OGDH: variants seen among roughly 807,000 people sequenced by gnomAD.
The protein encoded by OGDH is oxoglutarate dehydrogenase.
In OGDH, 38 loss-of-function variants were observed where a neutral mutation model predicts 116.6. The ratio of observed to expected loss-of-function variants is 0.33; its 90% CI spans 0.25 to 0.43. The LOEUF (loss-of-function observed/expected upper bound fraction) is 0.43. Ranked by LOEUF, OGDH falls within the 20% of genes least tolerant of loss-of-function variation. OGDH has a pLI of 1.00. For missense variants in OGDH, 825 were observed against 1,357.2 expected, an observed-to-expected ratio of 0.61 and a Z score of 6.16; for synonymous variants, 488 against 533.3, an observed-to-expected ratio of 0.92 and a Z score of 1.17.
chr7:44,683,404 T>A (rs996761630), intron 10 of OGDH, among the ~76,000 whole-genome samples: 8 of 152,052 alleles, frequency 5.3e-5, no homozygotes, highest in Non-Finnish European at 8.8e-5. Flanking sequence ...AATTTTTTTT[T>A]ATTTTGTGTA....
rs374833881 is a variant in OGDH, at chr7:44,626,306, TACACAC to T, written c.222+1762_222+1767del. Reference sequence around the variant, plus strand: ...GGCAGATTTCACACACACACACCCCTACACACACACACACACACACACACACCCCTA... The same window carrying T: ...GGCAGATTTCACACACACACACCCCTACACACACACACACACACACCCCTA... On this transcript the variant is annotated intron_variant, in intron 2 of 22. Coordinates refer to ENST00000222673, the MANE Select transcript of OGDH (RefSeq NM_002541.4). 8.1e-4 allele frequency among the ~76,000 whole-genome samples: 111 copies of T among 136,898 alleles called. 1 individual carries two copies. The highest frequency in any genetic ancestry group is 1.8e-3 in the Admixed American group (25 of 13,740). 89.8% of individuals were successfully genotyped at this position (136,898 alleles called of 152,430 possible). A position where few individuals can be genotyped will look rare whatever the true frequency, so the allele number is the denominator to read the frequency against.
chr7:44,625,600 T>C (rs1785172037), intron 2 of OGDH, among the ~76,000 whole-genome samples: 1 of 152,196 alleles, frequency 6.6e-6, no homozygotes, highest in South Asian at 2.1e-4. Flanking sequence ...CTCCTGTGCC[T>C]CATCTGTAGG....
chr7:44,685,077 C>T (rs1441974544), intron 10 of OGDH, among the ~76,000 whole-genome samples: 5 of 152,082 alleles, frequency 3.3e-5, no homozygotes, highest in African/African-American at 1.2e-4. Context: ...TGAGCCACCG[C>T]TCCTGGCCTT....
At chr7:44,687,091 A>ATTTTTTTTTTTTT (rs59074567) in intron 10 of OGDH, among the ~76,000 whole-genome samples, 135 of 95,524 alleles carry the variant, frequency 1.4e-3, no homozygotes, top group Middle Eastern at 6.8e-3. Context: ...ATTTTTTTTA[A>ATTTTTTTTTTTTT]TTTTTTTTTT....
At position 44,697,512 on chromosome 7, in the gene OGDH, C is replaced by A. The variant is rs1448975384; in HGVS notation, c.2179+15C>A. 3.1e-6 allele frequency: 5 copies of A among 1,613,810 alleles called. No individual in the cohort carries two copies. Among genetic ancestry groups the A allele is most frequent in the Non-Finnish European group, 4.2e-6 (5 of 1,179,846 alleles). Reference sequence around the variant, plus strand: ...CGGCGTGCTGGGTGAGTGCCTGGAGCCACACCACCAGGGCCTGTCACCCAC... The same window carrying A: ...CGGCGTGCTGGGTGAGTGCCTGGAGACACACCACCAGGGCCTGTCACCCAC... On this transcript the variant is annotated intron_variant, in intron 16 of 22. Coordinates refer to ENST00000222673, the MANE Select transcript of OGDH (RefSeq NM_002541.4). The surrounding 1 kb of genome is among the most constrained non-coding windows in gnomAD (Gnocchi z 6.0).
At chr7:44,639,036 A>G (rs924274079) in intron 2 of OGDH, among the ~76,000 whole-genome samples, 10 of 152,188 alleles carry the variant, frequency 6.6e-5, no homozygotes, top group South Asian at 4.1e-4. Flanking sequence ...GACCATGTGA[A>G]GGGAGAGGAC....
intron 1 of OGDH, among the ~76,000 whole-genome samples, chr7:44,618,814 C>G (rs576465700): frequency 2.6e-4 from 40 of 152,332 alleles, no homozygotes; most frequent in African/African-American, 9.1e-4. Flanking sequence ...CCTACCTTGT[C>G]TGATTGTAGG....
intron 4 of OGDH, among the ~76,000 whole-genome samples, chr7:44,654,357 A>G (rs776937882): frequency 1.6e-4 from 24 of 152,248 alleles, no homozygotes; most frequent in Non-Finnish European, 3.1e-4. Context: ...AATGTCAACT[A>G]CTTAGTTCTT....
intron 4 of OGDH, among the ~76,000 whole-genome samples, chr7:44,659,848 C>T (rs976069231): frequency 2.6e-5 from 4 of 152,040 alleles, no homozygotes; most frequent in East Asian, 1.9e-4. Context: ...AGAGATTTGT[C>T]GATGTTACTA....
chr7:44,675,940 A>G, intron 8 of OGDH, 30 bp from the exon 9 acceptor site: 1 of 1,604,790 alleles, frequency 6.2e-7, no homozygotes, highest in South Asian at 1.1e-5. Context: ...CTCCTTGGCC[A>G]GGGTGCAAAT....
chr7:44,705,600 G>A (rs1360352370), intron 20 of OGDH, among the ~76,000 whole-genome samples: 2 of 152,084 alleles, frequency 1.3e-5, no homozygotes, highest in Non-Finnish European at 2.9e-5. Context: ...CCAGGCTGAT[G>A]CAATCGTAGC....
At chr7:44,701,500 T>C in intron 19 of OGDH, 43 bp from the exon 20 acceptor site, 1 of 1,578,532 alleles carries the variant, frequency 6.3e-7, no homozygotes. Flanking sequence ...TTCTGGAATC[T>C]TCAGAATCTG....
At position 44,670,652 on chromosome 7, in the gene OGDH, C is replaced by G. The variant is rs112309091; in HGVS notation, c.634-3135C>G. Among the ~76,000 whole-genome samples the G allele has an allele frequency of 5.8e-3, 880 of 152,286 alleles. 10 individuals are homozygous for G. The highest frequency in any genetic ancestry group is 0.019 in the African/African-American group (804 of 41,554). ...GGGATTAGGGGGCCAACTACACCCTCTTCTTGTATTTTTTGTGCATCTAAT... is the reference window on the plus strand; with the variant it reads ...GGGATTAGGGGGCCAACTACACCCTGTTCTTGTATTTTTTGTGCATCTAAT... On this transcript the variant is annotated intron_variant, in intron 5 of 22. Transcript: ENST00000222673.
chr7:44,606,804 G>T (rs572669296), intron 1 of OGDH, among the ~76,000 whole-genome samples, 151 bp downstream of exon 1: 1 of 152,296 alleles, frequency 6.6e-6, no homozygotes, highest in Non-Finnish European at 1.5e-5. Flanking sequence ...GATGGAGTGG[G>T]GCTCACGGAG....
rs567661480 is a variant in OGDH at position 44,625,769 on chromosome 7, G to A, written c.222+1204G>A. On this transcript the variant is annotated intron_variant, in intron 2 of 22. Transcript: ENST00000222673. ...GGAAGTCTGCTTCCACTGGGCTCCT[G>A]TAAACAAGCTTTCCCTTTAAGTATT... is the stretch of plus-strand genomic sequence containing the variant. Among the ~76,000 whole-genome samples the A allele has an allele frequency of 6.5e-4, 99 of 152,222 alleles. 6 individuals carry two copies. The South Asian group carries it at 0.017, about 25-fold the overall frequency.
At chr7:44,619,821 T>C (rs1341283858) in intron 1 of OGDH, among the ~76,000 whole-genome samples, 1 of 152,182 alleles carries the variant, frequency 6.6e-6, no homozygotes, top group Non-Finnish European at 1.5e-5. Flanking sequence ...TTTATGTGTT[T>C]ATTGGCTGTT....
chr7:44,695,115 A>C (rs1453651435), intron 12 of OGDH, among the ~76,000 whole-genome samples: 2 of 151,674 alleles, frequency 1.3e-5, no homozygotes, highest in African/African-American at 4.8e-5. Context: ...TTGTTTTTTG[A>C]GACGGAGTCT....
chr7:44,675,391 T>G, intron 8 of OGDH, 123 bp downstream of exon 8: 2 of 819,760 alleles, frequency 2.4e-6, no homozygotes, highest in South Asian at 3.0e-5. Context: ...TGATTTGCCT[T>G]CCTTGTTGGG....
intron 5 of OGDH, among the ~76,000 whole-genome samples, chr7:44,669,898 G>A (rs1787360211): frequency 6.6e-6 from 1 of 152,206 alleles, no homozygotes; most frequent in Non-Finnish European, 1.5e-5. Context: ...TAATGTGTGT[G>A]TATGTTAGAT....
Sources: gnomAD v4.1 joint callset for allele counts (sites outside exome capture counted in the v4.1 genomes callset) on GRCh38, gnomAD v4.1.1 for gene constraint, Gnocchi (gnomAD v3.1) non-coding constraint, MANE v1.5 for transcripts, NCBI Gene and HGNC (gene_info 2026-07-23, HGNC 2026-07-21) for gene names.